TNFSF15: variants seen among roughly 807,000 people sequenced by gnomAD.
TNFSF15 encodes the protein tumor necrosis factor ligand superfamily member 15.
Under a neutral mutation model 26.4 loss-of-function variants are expected in TNFSF15, and 15 were observed. The ratio of observed to expected loss-of-function variants is 0.57; its 90% CI spans 0.38 to 0.87. The LOEUF (loss-of-function observed/expected upper bound fraction) is 0.87, where lower values mean the gene tolerates loss of function less well. Among genes scored for constraint, TNFSF15 ranks in the 40% least tolerant of loss-of-function variants. TNFSF15 has a pLI of 0.00. For synonymous variants in TNFSF15, 116 were observed against 115.0 expected (o/e 1.01, Z -0.06); for missense variants, 290 against 306.1 (o/e 0.95, Z 0.39).
In TNFSF15 at chr9:114,792,322, A is replaced by C. The variant is rs1322216082; in HGVS notation, c.301+85T>G. ...AGGAATGTAGTTTTCATTTTAAGCCACTAGAATGAATTTTGGTAAAGTGCT... is the reference window on the plus strand; with the variant it reads ...AGGAATGTAGTTTTCATTTTAAGCCCCTAGAATGAATTTTGGTAAAGTGCT... On this transcript the variant is annotated intron_variant, in intron 3 of 3. Transcript: ENST00000374045. 4 of 1,518,822 alleles carry C rather than the reference A, an allele frequency of 2.6e-6. No homozygotes were observed. The Admixed American group carries it at 8.2e-5, about 31-fold the overall frequency. 94.1% of individuals were successfully genotyped at this position (1,518,822 alleles called of 1,614,324 possible).
intron 1 of TNFSF15, among the ~76,000 whole-genome samples, chr9:114,794,677 C>G (rs1015183964): frequency 1.3e-5 from 2 of 152,054 alleles, no homozygotes; most frequent in Admixed American, 1.3e-4. Flanking sequence ...TACCTATAAA[C>G]AATGGAATAC....
chr9:114,798,172 T>C (rs1277311348), intron 1 of TNFSF15, among the ~76,000 whole-genome samples: 1 of 152,176 alleles, frequency 6.6e-6, no homozygotes, highest in African/African-American at 2.4e-5. Flanking sequence ...TAGAAAGATT[T>C]GTTGTAAGTG....
chr9:114,799,907 A>G (rs1017426929), intron 1 of TNFSF15, among the ~76,000 whole-genome samples: 36 of 151,956 alleles, frequency 2.4e-4, no homozygotes, highest in African/African-American at 8.7e-4. Context: ...TTTGCCCACA[A>G]CCTGATCTTT....
chr9:114,792,207 G>A (rs1040091957), intron 3 of TNFSF15, 200 bp downstream of exon 3: 55 of 609,766 alleles, frequency 9.0e-5, no homozygotes, highest in Non-Finnish European at 1.2e-4. Context: ...GTGTGTGTGT[G>A]TATATACATA....
intron 3 of TNFSF15, 175 bp downstream of exon 3, chr9:114,792,224 TACACACAC>T (rs142936750): frequency 0.043 from 23,700 of 556,518 alleles, 400 homozygotes; most frequent in African/African-American, 0.14. Context: ...CATATGTGTG[TACACACAC>T]ACACACACAC....
At position 114,789,846 on chromosome 9, in the gene TNFSF15, A is replaced by G. The variant is rs1587897088; in HGVS notation, c.*606T>C. On this transcript the variant is annotated 3_prime_UTR_variant, in exon 4 of 4. Coordinates refer to ENST00000374045, the MANE Select transcript of TNFSF15 (RefSeq NM_005118.4). Reference sequence around the variant, plus strand: ...CTTCCTTATTTAGATATCTGTGTACATAATCAAAAGAAAGGTAGCTTTTCT... The same window carrying G: ...CTTCCTTATTTAGATATCTGTGTACGTAATCAAAAGAAAGGTAGCTTTTCT... The G allele has an allele frequency of 6.6e-6, 1 of 152,484 alleles. No homozygotes were observed. The highest frequency in any genetic ancestry group is 1.9e-4 in the East Asian group (1 of 5,332). The allele number at this position is 152,484 out of a possible 1,614,324, so 9.4% of individuals were successfully genotyped here.
In TNFSF15 at chr9:114,790,898, G is replaced by C. The variant is rs550636247; in HGVS notation, c.310C>G (p.Gln104Glu). ...TTTTTAAAGTGCTGTGTGGGAGTTT[G>C]TCTCACAACTGGAAAGACAAGAAAG... is the stretch of plus-strand genomic sequence containing the variant. ...KPRAHLTVVRQTPTQHFKNQF... is the reference protein window; with the variant it reads ...KPRAHLTVVRETPTQHFKNQF... Residue 104 changes from glutamine (Q) to glutamate (E), a missense_variant, in exon 4 of 4, where the codon CAA (glutamine) becomes GAA (glutamate). By Grantham distance (29) the Gln-to-Glu change is conservative. This residue lies in a region of TNFSF15 where 179 missense variants were observed against 165.9 expected (regional missense o/e 1.08). Transcript: ENST00000374045. 1.9e-6 allele frequency: 3 copies of C among 1,614,004 alleles called. No homozygotes were observed. Among genetic ancestry groups the C allele is most frequent in the Non-Finnish European group, 2.5e-6 (3 of 1,179,914 alleles).
intron 1 of TNFSF15, among the ~76,000 whole-genome samples, chr9:114,797,755 G>T (rs1829689886): frequency 6.6e-6 from 1 of 152,236 alleles, no homozygotes; most frequent in Admixed American, 6.5e-5. Flanking sequence ...CAATTGAATA[G>T]ACATGGTGTC....
Position 114,805,935 on chromosome 9 carries a change from G to C in TNFSF15, c.78C>G (p.Pro26=), listed in dbSNP as rs1427066890. Residue 26 remains proline (P), a synonymous_variant, in exon 1 of 4, where the codon CCC becomes CCG. Transcript: ENST00000374045. ...EMLPEHGSCR[P]KARSSSARWA... ...AGCGTGCGCTGCTGCTCCTGGCCTT[G>C]GGCCTGCAGCTGCCGTGCTCTGGCA... 2 of 1,614,000 alleles carry C rather than the reference G, an allele frequency of 1.2e-6. No individual in the cohort carries two copies. Among genetic ancestry groups the C allele is most frequent in the African/African-American group, 2.7e-5 (2 of 74,942 alleles).
rs16931748 is a variant in TNFSF15 at position 114,790,942 on chromosome 9, G to T, written c.302-36C>A. 2.6e-3 allele frequency: 4,117 copies of T among 1,602,710 alleles called. 48 individuals carry two copies. Among genetic ancestry groups the T allele is most frequent in the East Asian group, 0.024 (1,088 of 44,794 alleles). ...AAGAAAGAGGATTAATTTTCTCATT[G>T]GGAAACTGTAGACTTTGCTTAAAAA... On this transcript the variant is annotated intron_variant, in intron 3 of 3. Coordinates refer to ENST00000374045, the MANE Select transcript of TNFSF15 (RefSeq NM_005118.4).
At chr9:114,802,400 G>A (rs368812028) in intron 1 of TNFSF15, among the ~76,000 whole-genome samples, 3 of 151,962 alleles carry the variant, frequency 2.0e-5, no homozygotes, top group Non-Finnish European at 4.4e-5. Flanking sequence ...CTACAGGCGC[G>A]CGCCACCACG....
chr9:114,797,096 C>G (rs956197806), intron 1 of TNFSF15, among the ~76,000 whole-genome samples: 2 of 152,102 alleles, frequency 1.3e-5, no homozygotes, highest in Non-Finnish European at 2.9e-5. Flanking sequence ...CCTGGTTGGC[C>G]TCTTTTGATT....
intron 1 of TNFSF15, among the ~76,000 whole-genome samples, chr9:114,799,140 G>A (rs1265327264): frequency 6.6e-6 from 1 of 152,156 alleles, no homozygotes; most frequent in Non-Finnish European, 1.5e-5. Context: ...GCAACATTCA[G>A]CACAGTACAA....
intron 1 of TNFSF15, among the ~76,000 whole-genome samples, chr9:114,802,570 AT>A (rs1018357404): frequency 6.6e-6 from 1 of 152,024 alleles, no homozygotes; most frequent in African/African-American, 2.4e-5. Context: ...TTTTAATTGT[AT>A]TTCTGTAATG....
rs1310894852 is a variant in TNFSF15, at chr9:114,786,604, C to A, written c.*3848G>T. ...AAACGTACACTTTTCCCTTTTCTTA[C>A]TGTACCTTAGTAAAAAAAAAATCAG... On this transcript the variant is annotated 3_prime_UTR_variant, in exon 4 of 4. Transcript: ENST00000374045. 1.3e-5 allele frequency: 2 copies of A among 152,014 alleles called. No individual in the cohort carries two copies. Among genetic ancestry groups the A allele is most frequent in the East Asian group, 3.9e-4 (2 of 5,192 alleles). The allele number at this position is 152,014 out of a possible 1,614,324, so 9.4% of individuals were successfully genotyped here.
chr9:114,801,299 G>T (rs1204325038), intron 1 of TNFSF15, among the ~76,000 whole-genome samples: 3 of 152,194 alleles, frequency 2.0e-5, no homozygotes, highest in African/African-American at 7.2e-5. Context: ...TCTGAGGGCA[G>T]TGGAAGATAC....
At chr9:114,799,855 C>T (rs996598776) in intron 1 of TNFSF15, among the ~76,000 whole-genome samples, 3 of 152,226 alleles carry the variant, frequency 2.0e-5, no homozygotes, top group South Asian at 2.1e-4. Flanking sequence ...CCTGCCTCTG[C>T]ACTTCCTCAG....
Position 114,791,739 on chromosome 9 carries a change from T to C in TNFSF15, c.301+668A>G, listed in dbSNP as rs956436924. On this transcript the variant is annotated intron_variant, in intron 3 of 3. Coordinates refer to ENST00000374045, the MANE Select transcript of TNFSF15 (RefSeq NM_005118.4). Reference sequence around the variant, plus strand: ...TGGAAAGTTGGCCAACTGGTGATAGTATGGAATTTCTCTTGATTTGGTGAT... The same window carrying C: ...TGGAAAGTTGGCCAACTGGTGATAGCATGGAATTTCTCTTGATTTGGTGAT... 9 of 167,318 alleles carry C rather than the reference T, an allele frequency of 5.4e-5. No homozygotes were observed. The East Asian group carries it at 1.5e-3, about 29-fold the overall frequency. The allele number at this position is 167,318 out of a possible 1,614,324, so 10.4% of individuals were successfully genotyped here.
intron 1 of TNFSF15, among the ~76,000 whole-genome samples, chr9:114,798,459 A>G (rs1282277824): frequency 3.3e-5 from 5 of 151,674 alleles, no homozygotes; most frequent in Admixed American, 3.3e-4. Context: ...TACTTTAATT[A>G]TTTAAATTGG....
Sources: allele counts gnomAD v4.1 joint callset (sites outside exome capture counted in the v4.1 genomes callset), GRCh38; gene constraint gnomAD v4.1.1; regional missense constraint gnomAD v4.1.1; transcripts MANE v1.5; gene names NCBI Gene and HGNC (gene_info 2026-07-23, HGNC 2026-07-21).